Variants in SLC35H1 observed in about 807,000 individuals in gnomAD.
SLC35H1 encodes ovarian cancer-overexpressed gene 1 protein.
chr20:46,350,530 GA>G, the SLC35H1 span: 1 of 1,582,458 alleles, frequency 6.3e-7, no homozygotes, highest in African/African-American at 1.4e-5. Flanking sequence ...ATCACCTTGG[GA>G]TAGAGAGAGA....
the SLC35H1 span, among the ~76,000 whole-genome samples, chr20:46,357,093 C>T: frequency 6.6e-6 from 1 of 152,214 alleles, no homozygotes; most frequent in Non-Finnish European, 1.5e-5. Flanking sequence ...GAGTTCCCTT[C>T]CAGACCCCAC....
chr20:46,362,824 T>C, the SLC35H1 span, among the ~76,000 whole-genome samples: 2 of 152,236 alleles, frequency 1.3e-5, no homozygotes, highest in Non-Finnish European at 2.9e-5. Flanking sequence ...TGGAGTGCAA[T>C]GGCGTGATCT....
chr20:46,353,443 G>A, the SLC35H1 span, among the ~76,000 whole-genome samples: 17 of 152,264 alleles, frequency 1.1e-4, no homozygotes, highest in African/African-American at 4.1e-4. Flanking sequence ...AGGGTGAAGG[G>A]GGGCCCAGAA....
chr20:46,352,045 C>A, the SLC35H1 span: 1 of 1,613,926 alleles, frequency 6.2e-7, no homozygotes, highest in Non-Finnish European at 8.5e-7. Flanking sequence ...ACGCCCGAGT[C>A]TGTACCTTAA....
chr20:46,351,495 G>A, the SLC35H1 span, among the ~76,000 whole-genome samples: 1 of 152,224 alleles, frequency 6.6e-6, no homozygotes, highest in Non-Finnish European at 1.5e-5. Context: ...GAGGACTGTT[G>A]AAATGTGTGG....
the SLC35H1 span, chr20:46,352,412 G>T: frequency 1.7e-6 from 1 of 598,700 alleles, no homozygotes; most frequent in Non-Finnish European, 2.9e-6. Context: ...GAGACCTGGG[G>T]AAACCAGGGA....
the SLC35H1 span, among the ~76,000 whole-genome samples, chr20:46,361,542 C>T: frequency 1.6e-4 from 25 of 152,194 alleles, no homozygotes; most frequent in Non-Finnish European, 4.4e-5. Flanking sequence ...GTTTCCTCTA[C>T]GCCAGGGTTT....
chr20:46,354,801 A>G, the SLC35H1 span: 3 of 1,257,106 alleles, frequency 2.4e-6, no homozygotes, highest in African/African-American at 3.0e-5. Context: ...TAATCTCTGC[A>G]GCTACCACTG....
At chr20:46,361,425 C>G in the SLC35H1 span, among the ~76,000 whole-genome samples, 21 of 152,334 alleles carry the variant, frequency 1.4e-4, no homozygotes, top group African/African-American at 5.1e-4. Flanking sequence ...GCAGGAGTCT[C>G]CTACACGGTT....
the SLC35H1 span, chr20:46,350,901 A>G: frequency 3.1e-6 from 5 of 1,613,466 alleles, no homozygotes; most frequent in Admixed American, 8.3e-5. Flanking sequence ...CTGGGGGCAG[A>G]GAAGCAGGAG....
the SLC35H1 span, chr20:46,355,217 G>A: frequency 6.2e-7 from 1 of 1,613,870 alleles, no homozygotes; most frequent in Non-Finnish European, 8.5e-7. This position sits in a 1 kb window ranked among gnomAD's most constrained non-coding sequence, Gnocchi z 4.8. Context: ...GCGATGAGGA[G>A]GACCACCAGG....
At chr20:46,361,512 C>T in the SLC35H1 span, among the ~76,000 whole-genome samples, 2 of 152,330 alleles carry the variant, frequency 1.3e-5, no homozygotes, top group East Asian at 3.9e-4. Flanking sequence ...CATACGTCTA[C>T]AGATCTCAAA....
chr20:46,353,731 G>A, the SLC35H1 span, among the ~76,000 whole-genome samples: 1 of 152,078 alleles, frequency 6.6e-6, no homozygotes, highest in South Asian at 2.1e-4. Flanking sequence ...GCCAAGTGAC[G>A]ACTACCAGGG....
At chr20:46,351,119 T>C in the SLC35H1 span, among the ~76,000 whole-genome samples, 2 of 152,240 alleles carry the variant, frequency 1.3e-5, no homozygotes, top group Non-Finnish European at 2.9e-5. Context: ...CATGGAATTC[T>C]GTCAGGAATA....
chr20:46,346,584 C>T, the SLC35H1 span: 2 of 152,138 alleles, frequency 1.3e-5, no homozygotes, highest in Non-Finnish European at 2.9e-5. Context: ...AGTTCAAGAC[C>T]GGCCTGGCCA....
the SLC35H1 span, among the ~76,000 whole-genome samples, chr20:46,353,796 A>G: frequency 4.6e-5 from 7 of 151,582 alleles, no homozygotes; most frequent in African/African-American, 1.7e-4. Context: ...ACGGGAGGGG[A>G]GGGAGAGTGT....
the SLC35H1 span, chr20:46,350,491 C>T: frequency 6.2e-7 from 1 of 1,611,592 alleles, no homozygotes; most frequent in African/African-American, 1.3e-5. Context: ...GGGGCTGGAG[C>T]CCAGCCCCTT....
the SLC35H1 span, chr20:46,352,642 C>T: frequency 0.013 from 1,157 of 88,578 alleles, 45 homozygotes; most frequent in African/African-American, 0.064. Flanking sequence ...AGCGGGATGA[C>T]GATGGGATCC....
chr20:46,347,647 G>A, the SLC35H1 span: 1 of 152,040 alleles, frequency 6.6e-6, no homozygotes, highest in African/African-American at 2.4e-5. Flanking sequence ...CTACTCTCAA[G>A]CCACTGGGAT....
Sources: gnomAD v4.1 joint callset for allele counts (sites outside exome capture counted in the v4.1 genomes callset) on GRCh38, gnomAD v4.1.1 for gene constraint, Gnocchi (gnomAD v3.1) non-coding constraint, MANE v1.5 for transcripts, NCBI Gene and HGNC (gene_info 2026-07-23, HGNC 2026-07-21) for gene names.